The following MS4A4A variants were observed in gnomAD, a reference collection of about 807,000 sequenced individuals.
The protein encoded by MS4A4A is membrane spanning 4-domains A4A.
Under a neutral mutation model 28.0 loss-of-function variants are expected in MS4A4A, and 26 were observed. The observed-to-expected ratio is 0.93, with a 90% CI of 0.68 to 1.29. MS4A4A has a LOEUF of 1.29. Ranked by LOEUF, MS4A4A falls within the 50% of genes most tolerant of loss-of-function variation. MS4A4A has a pLI of 0.00. For missense variants in MS4A4A, 290 were observed against 293.1 expected (o/e 0.99, Z 0.08); for synonymous variants, 86 against 100.8 (o/e 0.85, Z 0.88).
In MS4A4A at chr11:60,308,184, C is replaced by T; in HGVS notation, c.*6C>T. ...CACCACTTAATGAGGTTTGAGGCCA[C>T]CAAAAGATCAACAGACAAATGCTCC... On this transcript the variant is annotated 3_prime_UTR_variant, in exon 7 of 7. Coordinates refer to ENST00000337908, the MANE Select transcript of MS4A4A (RefSeq NM_148975.3). The T allele has an allele frequency of 6.2e-7, 1 of 1,612,614 alleles. No homozygotes were observed. The highest frequency in any genetic ancestry group is 8.5e-7 in the Non-Finnish European group (1 of 1,178,846).
At position 60,306,195 on chromosome 11, in the gene MS4A4A, T is replaced by G. The variant is rs1479756956; in HGVS notation, c.642T>G (p.Pro214=). ...GATGTAAAGTGCTCTGTTGTACCCC[T>G]GGTGGGGTGAGTATTGGCCTTCATT... is the stretch of plus-strand genomic sequence containing the variant. ...AFGCKVLCCT[P]GGVVLILPSH... Residue 214 remains proline, a synonymous_variant, in exon 6 of 7, where the codon CCT becomes CCG. Coordinates refer to ENST00000337908, the MANE Select transcript of MS4A4A (RefSeq NM_148975.3). 6.2e-7 allele frequency: 1 copy of G among 1,609,834 alleles called. No individual in the cohort carries two copies.
At chr11:60,286,887 G>C (rs1018134613) in intron 1 of MS4A4A, among the ~76,000 whole-genome samples, 1 of 152,156 alleles carries the variant, frequency 6.6e-6, no homozygotes, top group Non-Finnish European at 1.5e-5. Context: ...AGCATTAATG[G>C]ATAAGGATTT....
At chr11:60,289,574 AGTGT>A (rs747454290) in intron 1 of MS4A4A, among the ~76,000 whole-genome samples, 26 of 131,156 alleles carry the variant, frequency 2.0e-4, no homozygotes, top group East Asian at 4.5e-4. Context: ...TGTTTTGGGG[AGTGT>A]GTGTGTGTGT....
chr11:60,297,259 A>G lies in MS4A4A; in HGVS notation c.264A>G (p.Ala88=), dbSNP rs147908272. 6.2e-7 allele frequency: 1 copy of G among 1,613,668 alleles called. No homozygotes were observed. The highest frequency in any genetic ancestry group is 8.5e-7 in the Non-Finnish European group (1 of 1,179,626). Residue 88 remains alanine, a synonymous_variant, in exon 3 of 7, where the codon GCA becomes GCG. Transcript: ENST00000337908. ...LSMGITMMCM[A]SNTYGSNPIS... ...TGGGAATAACAATGATGTGTATGGC[A>G]TCTAATACTTATGGAAGTAACCCTA...
At chr11:60,294,895 T>TA (rs1565145923) in intron 2 of MS4A4A, among the ~76,000 whole-genome samples, 383 of 14,424 alleles carry the variant, frequency 0.027, 7 homozygotes, top group Admixed American at 0.066. Context: ...AACTACTACT[T>TA]CTTCTTCTTC....
intron 2 of MS4A4A, 33 bp downstream of exon 2, chr11:60,292,417 G>A: frequency 1.3e-6 from 2 of 1,546,262 alleles, no homozygotes; most frequent in Non-Finnish European, 1.7e-6. Flanking sequence ...GACCAATGGT[G>A]TTGCAAACTC....
Position 60,302,732 on chromosome 11 carries a change from T to C in MS4A4A, c.546+15T>C, listed in dbSNP as rs767897222. 6.2e-7 allele frequency: 1 copy of C among 1,609,440 alleles called. No individual in the cohort carries two copies. Among genetic ancestry groups the C allele is most frequent in the Non-Finnish European group, 8.5e-7 (1 of 1,176,634 alleles). ...CCATCTTAATGGTTGGTACTGCCTCTTTTCAGGGGATATTATTATAGAAGC... is the reference window on the plus strand; with the variant it reads ...CCATCTTAATGGTTGGTACTGCCTCCTTTCAGGGGATATTATTATAGAAGC... On this transcript the variant is annotated intron_variant, in intron 5 of 6. Coordinates refer to ENST00000337908, the MANE Select transcript of MS4A4A (RefSeq NM_148975.3).
At chr11:60,287,532 G>A (rs2084813605) in intron 1 of MS4A4A, among the ~76,000 whole-genome samples, 1 of 152,066 alleles carries the variant, frequency 6.6e-6, no homozygotes, top group Non-Finnish European at 1.5e-5. Flanking sequence ...AGTTTTAGAG[G>A]GGACATTGAA....
chr11:60,284,639 G>A (rs566860952), intron 1 of MS4A4A, among the ~76,000 whole-genome samples: 13 of 152,228 alleles, frequency 8.5e-5, no homozygotes, highest in East Asian at 3.9e-4. Context: ...ATGCAGAGGC[G>A]GGCCTAGAGG....
intron 4 of MS4A4A, among the ~76,000 whole-genome samples, chr11:60,301,641 G>C (rs1026932338): frequency 6.6e-6 from 1 of 152,094 alleles, no homozygotes; most frequent in Non-Finnish European, 1.5e-5. Context: ...TCAAATTCTG[G>C]AGCATGATCA....
At chr11:60,291,527 C>T (rs368356810) in intron 1 of MS4A4A, among the ~76,000 whole-genome samples, 34 of 152,092 alleles carry the variant, frequency 2.2e-4, no homozygotes, top group African/African-American at 8.0e-4. Flanking sequence ...CAGCTGGGTG[C>T]GGTGGCTCAC....
At chr11:60,294,606 G>T (rs1486955628) in intron 2 of MS4A4A, among the ~76,000 whole-genome samples, 1 of 152,018 alleles carries the variant, frequency 6.6e-6, no homozygotes, top group East Asian at 1.9e-4. Flanking sequence ...ATTTATGTCT[G>T]TGATTCATTT....
In MS4A4A at chr11:60,286,843, T is replaced by C. The variant is rs139058452; in HGVS notation, c.42-5382T>C. The stretch of plus-strand genomic sequence containing the variant: ...AATTTTCCAGCCGCTCTTTGACTTT[T>C]GTTCAAAGATTTAATTCATTTATAT... On this transcript the variant is annotated intron_variant, in intron 1 of 6. Coordinates refer to ENST00000337908, the MANE Select transcript of MS4A4A (RefSeq NM_148975.3). Among the ~76,000 whole-genome samples, 919 of 152,324 alleles carry C rather than the reference T, an allele frequency of 6.0e-3. 7 individuals are homozygous for C. The highest frequency in any genetic ancestry group is 0.021 in the African/African-American group (881 of 41,572).
At chr11:60,282,776 C>A in intron 1 of MS4A4A, 1 of 1,210,154 alleles carries the variant, frequency 8.3e-7, no homozygotes, top group Non-Finnish European at 1.0e-6. Flanking sequence ...AGTAGCCGAG[C>A]TTTTGTTATC....
intron 4 of MS4A4A, among the ~76,000 whole-genome samples, chr11:60,301,380 G>A (rs1175700755): frequency 6.6e-6 from 1 of 152,156 alleles, no homozygotes; most frequent in African/African-American, 2.4e-5. Context: ...GTGACACCAA[G>A]CATTGGTGTT....
chr11:60,293,891 T>C (rs940675246), intron 2 of MS4A4A, among the ~76,000 whole-genome samples: 14 of 152,202 alleles, frequency 9.2e-5, no homozygotes, highest in African/African-American at 3.1e-4. Flanking sequence ...CTTGATGGCT[T>C]CCCAACTTTG....
chr11:60,299,774 A>AT (rs2084936491), intron 3 of MS4A4A, among the ~76,000 whole-genome samples: 1 of 152,166 alleles, frequency 6.6e-6, no homozygotes, highest in South Asian at 2.1e-4. Context: ...AATTCTTTAT[A>AT]TTTTACCAGT....
At chr11:60,300,530 G>A (rs961365234) in intron 3 of MS4A4A, among the ~76,000 whole-genome samples, 3 of 149,440 alleles carry the variant, frequency 2.0e-5, no homozygotes, top group Non-Finnish European at 3.0e-5. Context: ...GCAGGAGAAT[G>A]GCGTGAACCC....
chr11:60,299,426 T>C (rs1030448496), intron 3 of MS4A4A, among the ~76,000 whole-genome samples: 1 of 150,300 alleles, frequency 6.7e-6, no homozygotes, highest in Non-Finnish European at 1.5e-5. Flanking sequence ...CAGATTTCTA[T>C]CATGTTACAG....
Sources: allele counts gnomAD v4.1 joint callset (sites outside exome capture counted in the v4.1 genomes callset), GRCh38; gene constraint gnomAD v4.1.1; transcripts MANE v1.5; gene names NCBI Gene and HGNC (gene_info 2026-07-23, HGNC 2026-07-21).